The following TENM2 variants were observed in gnomAD, a reference collection of about 807,000 sequenced individuals.
TENM2 encodes teneurin-2.
Under a neutral mutation model 245.2 loss-of-function variants are expected in TENM2, and 52 were observed. The observed-to-expected ratio is 0.21, with a 90% CI of 0.17 to 0.27. TENM2 has a LOEUF of 0.27. TENM2 is among the 10% of genes least tolerant of loss of function. TENM2 has a pLI of 1.00. For synonymous variants in TENM2, 1,363 were observed against 1,438.9 expected (o/e 0.95, Z 1.19); for missense variants, 3,046 against 3,666.8 (o/e 0.83, Z 4.37).
chr5:168,093,229 T>C (rs1294150809), intron 8 of TENM2, among the ~76,000 whole-genome samples: 1 of 152,146 alleles, frequency 6.6e-6, no homozygotes, highest in East Asian at 1.9e-4. Flanking sequence ...GACACAGGCA[T>C]TGTGGTAGTG....
chr5:167,814,192 C>A (rs775949709), intron 2 of TENM2, among the ~76,000 whole-genome samples: 2 of 152,008 alleles, frequency 1.3e-5, no homozygotes, highest in Non-Finnish European at 2.9e-5. Flanking sequence ...TTTCCTTTGT[C>A]CTCAAGGGAA....
At position 168,147,135 on chromosome 5, in the gene TENM2, A is replaced by G. The variant is rs76569419; in HGVS notation, c.2423-15476A>G. Among the ~76,000 whole-genome samples the G allele has an allele frequency of 5.3e-3, 815 of 152,378 alleles. 50 individuals carry two copies. In the East Asian group the frequency reaches 0.12, roughly 22 times the overall value. On this transcript the variant is annotated intron_variant, in intron 12 of 28. Transcript: ENST00000518659. ...AAGTTGACTTTCTATCAGAGTTCAC[A>G]TTTCCACCAACTTTTCATTAAATTA...
chr5:167,745,827 T>G (rs1393558058), intron 2 of TENM2, among the ~76,000 whole-genome samples: 3 of 152,230 alleles, frequency 2.0e-5, no homozygotes, highest in Non-Finnish European at 4.4e-5. Flanking sequence ...TAGTTCATTC[T>G]TTTTATTGCT....
At chr5:167,685,223 A>G (rs1297818181) in intron 2 of TENM2, among the ~76,000 whole-genome samples, 2 of 152,210 alleles carry the variant, frequency 1.3e-5, no homozygotes, top group Admixed American at 1.3e-4. Context: ...AGAAAATGAA[A>G]TCATCTGTGA....
rs115154751 is a variant in TENM2, at chr5:167,915,951, T to C, written c.713-36637T>C. On this transcript the variant is annotated intron_variant, in intron 3 of 28. Transcript: ENST00000518659. The stretch of plus-strand genomic sequence containing the variant: ...TATCCACACTGCTATCTTATCTGAC[T>C]GACCTTAGAGAAGTTATTTGGTCTC... Among the ~76,000 whole-genome samples the C allele has an allele frequency of 4.4e-3, 667 of 152,350 alleles. 7 individuals are homozygous for C. Among genetic ancestry groups the C allele is most frequent in the African/African-American group, 0.015 (627 of 41,574 alleles).
chr5:167,070,284 ATTTTTTTTTTTT>A, the TENM2 span, among the ~76,000 whole-genome samples: 1 of 99,354 alleles, frequency 1.0e-5, no homozygotes, highest in African/African-American at 5.5e-5. Context: ...CGCCCGGCTA[ATTTTTTTTTTTT>A]TTTTTTGTAT....
At chr5:167,048,423 A>G in the TENM2 span, among the ~76,000 whole-genome samples, 1 of 152,184 alleles carries the variant, frequency 6.6e-6, no homozygotes, top group Non-Finnish European at 1.5e-5. Flanking sequence ...AATGAAACTC[A>G]TGATTTCAGA....
chr5:167,946,603 C>T (rs754268371), intron 3 of TENM2, among the ~76,000 whole-genome samples: 2 of 152,178 alleles, frequency 1.3e-5, no homozygotes, highest in Non-Finnish European at 2.9e-5. Flanking sequence ...ATTTGCTAGG[C>T]ATATATCAGC....
At chr5:167,206,063 A>G in the TENM2 span, among the ~76,000 whole-genome samples, 1 of 152,230 alleles carries the variant, frequency 6.6e-6, no homozygotes, top group Admixed American at 6.5e-5. Context: ...ACAGCTGCAA[A>G]GTTCCTTTTG....
intron 2 of TENM2, among the ~76,000 whole-genome samples, chr5:167,504,633 C>T (rs1393014683): frequency 2.0e-5 from 3 of 152,184 alleles, no homozygotes; most frequent in African/African-American, 7.2e-5. Context: ...CTGTGTGGCT[C>T]TGCAGCTGGG....
intron 25 of TENM2, among the ~76,000 whole-genome samples, chr5:168,234,996 T>C (rs1416678550): frequency 6.6e-6 from 1 of 152,210 alleles, no homozygotes; most frequent in Non-Finnish European, 1.5e-5. Flanking sequence ...TACTTTTACT[T>C]ATGTGGCAAA....
intron 17 of TENM2, among the ~76,000 whole-genome samples, chr5:168,201,172 G>A (rs529873603): frequency 4.4e-4 from 67 of 152,110 alleles, no homozygotes; most frequent in Middle Eastern, 6.9e-3. Context: ...AGCCCTGGGG[G>A]TCTGCTCCAT....
chr5:167,221,777 T>C, the TENM2 span, among the ~76,000 whole-genome samples: 2 of 152,326 alleles, frequency 1.3e-5, no homozygotes, highest in Admixed American at 1.3e-4. Flanking sequence ...TCCAGGAATC[T>C]TCTGCTTTAT....
At chr5:167,552,279 G>A (rs758665472) in intron 2 of TENM2, among the ~76,000 whole-genome samples, 2 of 152,148 alleles carry the variant, frequency 1.3e-5, no homozygotes, top group Non-Finnish European at 2.9e-5. Context: ...TGCACGTTAG[G>A]CAGAGTCAAG....
chr5:167,254,144 G>A, the TENM2 span, among the ~76,000 whole-genome samples: 3,528 of 152,064 alleles, frequency 0.023, 125 homozygotes, highest in African/African-American at 0.08. Flanking sequence ...ATAAAGACTA[G>A]CTGGCATGGG....
chr5:167,398,263 T>C (rs578259159), intron 2 of TENM2, among the ~76,000 whole-genome samples: 1 of 152,282 alleles, frequency 6.6e-6, no homozygotes, highest in Middle Eastern at 3.4e-3. Flanking sequence ...CATTGGCAAA[T>C]TACCAATAAG....
chr5:167,461,633 T>C (rs1217897853), intron 2 of TENM2, among the ~76,000 whole-genome samples: 1 of 152,216 alleles, frequency 6.6e-6, no homozygotes, highest in African/African-American at 2.4e-5. Flanking sequence ...CAGTAAAGCT[T>C]TATAAATAAA....
intron 2 of TENM2, among the ~76,000 whole-genome samples, chr5:167,559,710 T>C (rs1773468563): frequency 6.6e-6 from 1 of 152,184 alleles, no homozygotes; most frequent in Non-Finnish European, 1.5e-5. Context: ...ATGGAGATAT[T>C]TCTTATGTAT....
At chr5:167,712,772 T>G (rs1292648339) in intron 2 of TENM2, among the ~76,000 whole-genome samples, 1 of 152,178 alleles carries the variant, frequency 6.6e-6, no homozygotes, top group Admixed American at 6.5e-5. Flanking sequence ...AATTGGAACA[T>G]ATTTTTCCAT....
Sources: gnomAD v4.1 joint callset for allele counts (sites outside exome capture counted in the v4.1 genomes callset) on GRCh38, gnomAD v4.1.1 for gene constraint, MANE v1.5 for transcripts, NCBI Gene and HGNC (gene_info 2026-07-23, HGNC 2026-07-21) for gene names.